The following RABGAP1L variants were observed in gnomAD, a reference collection of about 807,000 sequenced individuals.
RABGAP1L encodes the protein rab GTPase-activating protein 1-like.
In RABGAP1L, 63 loss-of-function variants were observed where a neutral mutation model predicts 137.7. That is an observed-to-expected ratio of 0.46 (90% CI 0.37 to 0.56). RABGAP1L has a LOEUF of 0.56. Ranked by LOEUF, RABGAP1L falls within the 20% of genes least tolerant of loss-of-function variation. The probability of loss-of-function intolerance (pLI) is 0.00; values close to 1 mark genes in which losing one functional copy is unlikely to be tolerated. For missense variants in RABGAP1L, 1,095 were observed against 1,244.0 expected (o/e 0.88, Z 1.80); for synonymous variants, 431 against 433.7 (o/e 0.99, Z 0.08).
chr1:174,326,040 C>T (rs1361909516), intron 11 of RABGAP1L, among the ~76,000 whole-genome samples: 3 of 152,192 alleles, frequency 2.0e-5, no homozygotes, highest in Non-Finnish European at 2.9e-5. Context: ...AAATAGAATA[C>T]AGCAGTCAGC....
chr1:174,814,656 C>A (rs1210142259), intron 19 of RABGAP1L, among the ~76,000 whole-genome samples: 1 of 151,842 alleles, frequency 6.6e-6, no homozygotes, highest in South Asian at 2.1e-4. Flanking sequence ...CTTACCCTTA[C>A]ACTGAGGCAC....
At chr1:174,362,725 TTGTC>T (rs370597614) in intron 11 of RABGAP1L, among the ~76,000 whole-genome samples, 70 of 152,342 alleles carry the variant, frequency 4.6e-4, no homozygotes, top group African/African-American at 1.6e-3. Flanking sequence ...ATTCTGTAAA[TTGTC>T]TGTTTACTCT....
intron 19 of RABGAP1L, chr1:174,875,786 G>T (rs1558177825): frequency 1.2e-6 from 1 of 851,178 alleles, no homozygotes; most frequent in Non-Finnish European, 1.4e-6. Context: ...GTTAGTCAGA[G>T]TCAGGATAAA....
rs1441303175 is a variant in RABGAP1L at position 174,969,362 on chromosome 1, T to C, written c.2519T>C (p.Ile840Thr). The part of the protein sequence containing the change: ...DLAHELVTSK[I>T]ALRNDLDQAE... ...GCCCATGAACTAGTAACAAGCAAAA[T>C]TGCTCTACGGAATGACTTGGATCAG... Residue 840 changes from isoleucine (I) to threonine (T), a missense_variant, in exon 21 of 26, where the codon ATT (isoleucine) becomes ACT (threonine). Physicochemically the swap from Ile to Thr is moderately conservative, Grantham distance 89. This residue lies in a region of RABGAP1L where 312 missense variants were observed against 435.6 expected (regional missense o/e 0.72). Coordinates refer to ENST00000681986, the MANE Select transcript of RABGAP1L (RefSeq NM_001366446.1). The C allele has an allele frequency of 6.5e-7, 1 of 1,550,358 alleles. No homozygotes were observed. Among genetic ancestry groups the C allele is most frequent in the East Asian group, 2.4e-5 (1 of 40,916 alleles).
At chr1:174,516,104 A>T (rs1304434356) in intron 13 of RABGAP1L, among the ~76,000 whole-genome samples, 1 of 147,480 alleles carries the variant, frequency 6.8e-6, no homozygotes, top group Non-Finnish European at 1.5e-5. Context: ...AAGTCAAGGG[A>T]TGAAAACTGA....
chr1:174,874,831 T>C (rs1413731386), intron 19 of RABGAP1L, among the ~76,000 whole-genome samples: 1 of 152,152 alleles, frequency 6.6e-6, no homozygotes, highest in Non-Finnish European at 1.5e-5. Context: ...GAGTATGTTT[T>C]TCGTTGGAAC....
chr1:174,222,660 A>G (rs937924042), intron 3 of RABGAP1L, among the ~76,000 whole-genome samples: 9 of 131,270 alleles, frequency 6.9e-5, no homozygotes, highest in African/African-American at 1.6e-4. Context: ...TACCATCAAG[A>G]TATATTGAAA....
intron 13 of RABGAP1L, among the ~76,000 whole-genome samples, chr1:174,507,120 T>TA (rs1158354386): frequency 6.6e-6 from 1 of 152,138 alleles, no homozygotes; most frequent in African/African-American, 2.4e-5. Context: ...TGTTTGAAAA[T>TA]ATGAGAAGAA....
chr1:174,489,513 A>G (rs1660009137), intron 13 of RABGAP1L, among the ~76,000 whole-genome samples: 2 of 151,888 alleles, frequency 1.3e-5, no homozygotes, highest in African/African-American at 4.8e-5. Flanking sequence ...GGCGATCATT[A>G]AAAAGTCAGG....
intron 12 of RABGAP1L, among the ~76,000 whole-genome samples, chr1:174,383,906 C>T (rs1035181895): frequency 6.6e-6 from 1 of 152,128 alleles, no homozygotes; most frequent in Non-Finnish European, 1.5e-5. Flanking sequence ...ATTGAAGACC[C>T]TTCTTATACC....
intron 19 of RABGAP1L, among the ~76,000 whole-genome samples, chr1:174,888,793 G>A (rs559980696): frequency 8.5e-5 from 13 of 152,094 alleles, no homozygotes; most frequent in Middle Eastern, 3.4e-3. Flanking sequence ...CACCATGCCC[G>A]GCCAGCTATT....
At chr1:174,172,080 G>A (rs554636174) in intron 1 of RABGAP1L, among the ~76,000 whole-genome samples, 1 of 150,868 alleles carries the variant, frequency 6.6e-6, no homozygotes, top group South Asian at 2.1e-4. Flanking sequence ...TTTGTGTCTG[G>A]CTTATTTCAT....
At chr1:174,681,584 T>C (rs923297673) in intron 14 of RABGAP1L, among the ~76,000 whole-genome samples, 1 of 152,156 alleles carries the variant, frequency 6.6e-6, no homozygotes, top group Non-Finnish European at 1.5e-5. Context: ...AAGAGAGGCA[T>C]GGGGGAACAT....
chr1:174,632,975 T>C (rs1490341821), intron 13 of RABGAP1L, among the ~76,000 whole-genome samples: 1 of 152,096 alleles, frequency 6.6e-6, no homozygotes, highest in East Asian at 1.9e-4. Flanking sequence ...CGCTCTGCGT[T>C]TTAGAGTTTC....
rs535434521 is a variant in RABGAP1L, at chr1:174,991,113, A to G, written c.*1112A>G. On this transcript the variant is annotated 3_prime_UTR_variant, in exon 26 of 26. Coordinates refer to ENST00000681986, the MANE Select transcript of RABGAP1L (RefSeq NM_001366446.1). ...ATGCATTTGTAACATTTTTGATTGAATATAAAACCTTTACAGAAATACTTA... is the reference window on the plus strand; with the variant it reads ...ATGCATTTGTAACATTTTTGATTGAGTATAAAACCTTTACAGAAATACTTA... The G allele has an allele frequency of 5.5e-4, 84 of 152,330 alleles. No homozygotes were observed. Among genetic ancestry groups the G allele is most frequent in the African/African-American group, 1.9e-3 (79 of 41,574 alleles). The allele number at this position is 152,330 out of a possible 1,614,324, so 9.4% of individuals were successfully genotyped here. A position where few individuals can be genotyped will look rare whatever the true frequency, so the allele number is the denominator to read the frequency against.
chr1:174,958,017 G>T, intron 20 of RABGAP1L: 1 of 1,537,666 alleles, frequency 6.5e-7, no homozygotes. Flanking sequence ...AAGGAAAAAT[G>T]GCAAAGTACT....
intron 1 of RABGAP1L, among the ~76,000 whole-genome samples, chr1:174,186,054 G>A (rs1175359582): frequency 6.6e-6 from 1 of 150,958 alleles, no homozygotes; most frequent in Admixed American, 6.6e-5. Context: ...TGAGGCAGGA[G>A]AATCGCTTGA....
chr1:174,165,359 C>T (rs577675807), intron 1 of RABGAP1L, among the ~76,000 whole-genome samples: 3 of 152,138 alleles, frequency 2.0e-5, no homozygotes, highest in East Asian at 1.9e-4. Flanking sequence ...CATGTTGGCC[C>T]GGCTGGTTTT....
chr1:174,912,769 G>A (rs1660256139), intron 19 of RABGAP1L, among the ~76,000 whole-genome samples: 1 of 152,126 alleles, frequency 6.6e-6, no homozygotes, highest in African/African-American at 2.4e-5. Context: ...ATTGAAATAT[G>A]TGCCATTTTA....
Sources: allele counts gnomAD v4.1 joint callset (sites outside exome capture counted in the v4.1 genomes callset), GRCh38; gene constraint gnomAD v4.1.1; regional missense constraint gnomAD v4.1.1; transcripts MANE v1.5; gene names NCBI Gene and HGNC (gene_info 2026-07-23, HGNC 2026-07-21).